The following SPPL3 variants were observed in gnomAD, a reference collection of about 807,000 sequenced individuals.
The protein encoded by SPPL3 is signal peptide peptidase-like 3.
Under a neutral mutation model 42.4 loss-of-function variants are expected in SPPL3, and 5 were observed. The observed-to-expected ratio is 0.12, with a 90% confidence interval of 0.06 to 0.25. SPPL3 has a LOEUF of 0.25. Ranked by LOEUF, SPPL3 falls within the 10% of genes least tolerant of loss-of-function variation. The pLI is 1.00. For synonymous variants in SPPL3, 195 were observed against 181.8 expected (o/e 1.07, Z -0.58); for missense variants, 235 against 489.0 (o/e 0.48, Z 4.90).
intron 1 of SPPL3, among the ~76,000 whole-genome samples, chr12:120,852,715 A>ATG (rs1436548131): frequency 2.6e-4 from 4 of 15,422 alleles, no homozygotes; most frequent in Admixed American, 2.6e-3. Flanking sequence ...TATATGAAAT[A>ATG]TATTTTATAT....
At chr12:120,829,070 T>G (rs1055365727) in intron 1 of SPPL3, among the ~76,000 whole-genome samples, 1 of 152,186 alleles carries the variant, frequency 6.6e-6, no homozygotes, top group Admixed American at 6.5e-5. Context: ...AGACTAGGAA[T>G]AGTCTTTTCA....
chr12:120,886,980 A>AT (rs35067916), intron 1 of SPPL3, among the ~76,000 whole-genome samples: 36,253 of 147,642 alleles, frequency 0.25, 5,369 homozygotes, highest in Non-Finnish European at 0.35. Flanking sequence ...TGATATAATA[A>AT]TTTTTTTTTT....
chr12:120,790,019 G>A (rs1004850590), intron 3 of SPPL3, among the ~76,000 whole-genome samples: 1 of 152,040 alleles, frequency 6.6e-6, no homozygotes, highest in East Asian at 1.9e-4. Context: ...AACATCACTT[G>A]CATATGTGCT....
intron 1 of SPPL3, among the ~76,000 whole-genome samples, chr12:120,872,382 C>A (rs1459472705): frequency 6.6e-6 from 1 of 152,180 alleles, no homozygotes; most frequent in Non-Finnish European, 1.5e-5. Flanking sequence ...AGACTGTGAT[C>A]CCCCTCCAGG....
intron 2 of SPPL3, among the ~76,000 whole-genome samples, chr12:120,792,517 T>C (rs1869952169): frequency 6.6e-6 from 1 of 151,772 alleles, no homozygotes; most frequent in East Asian, 1.9e-4. Context: ...CTGGCCAACA[T>C]GGTGAAACCC....
intron 1 of SPPL3, among the ~76,000 whole-genome samples, chr12:120,838,323 T>C: frequency 6.6e-6 from 1 of 152,188 alleles, no homozygotes. Flanking sequence ...TGTTGGATAC[T>C]TCTCCAGCAT....
chr12:120,768,876 T>C lies in SPPL3; in HGVS notation c.609+77A>G, dbSNP rs532491807. On this transcript the variant is annotated intron_variant, in intron 7 of 10. Transcript: ENST00000353487. ...GGGCAAGCCCGACTTTGGATACTTC[T>C]AGTTAATAGTTTTCAGGCATGAATG... is the stretch of plus-strand genomic sequence containing the variant. 5.0e-5 allele frequency: 64 copies of C among 1,288,888 alleles called. No homozygotes were observed. In the African/African-American group the frequency reaches 5.8e-4, roughly 12 times the overall value. 79.8% of individuals were successfully genotyped at this position (1,288,888 alleles called of 1,614,324 possible).
intron 2 of SPPL3, chr12:120,791,760 A>C (rs905069569): frequency 3.9e-6 from 2 of 506,764 alleles, no homozygotes; most frequent in African/African-American, 3.9e-5. Context: ...CTGACTGCAG[A>C]TGAAAGCATC....
intron 9 of SPPL3, 81 bp downstream of exon 9, chr12:120,767,313 T>C: frequency 7.0e-7 from 1 of 1,435,738 alleles, no homozygotes; most frequent in Non-Finnish European, 9.6e-7. Context: ...CCAGTAACTG[T>C]AGCTAGAAGA....
intron 1 of SPPL3, among the ~76,000 whole-genome samples, chr12:120,868,549 T>C (rs1872829588): frequency 6.6e-6 from 1 of 152,212 alleles, no homozygotes; most frequent in African/African-American, 2.4e-5. Flanking sequence ...TGGCACAATC[T>C]TGACTCACTG....
chr12:120,898,501 G>T (rs1269762698), intron 1 of SPPL3, among the ~76,000 whole-genome samples: 1 of 151,794 alleles, frequency 6.6e-6, no homozygotes, highest in East Asian at 1.9e-4. Flanking sequence ...ACCACACTAA[G>T]GAATCTGGGT....
At chr12:120,824,967 A>G (rs1871193723) in intron 1 of SPPL3, among the ~76,000 whole-genome samples, 1 of 152,174 alleles carries the variant, frequency 6.6e-6, no homozygotes, top group African/African-American at 2.4e-5. Flanking sequence ...TTAACTGCAG[A>G]TGGAATGGAA....
chr12:120,793,501 CCAT>C (rs753497996), intron 2 of SPPL3, among the ~76,000 whole-genome samples: 9 of 152,114 alleles, frequency 5.9e-5, no homozygotes, highest in East Asian at 1.9e-4. Flanking sequence ...AAAACCACCA[CCAT>C]GAGAAACCAC....
At chr12:120,775,534 T>A (rs913579038) in intron 6 of SPPL3, among the ~76,000 whole-genome samples, 35 of 152,310 alleles carry the variant, frequency 2.3e-4, no homozygotes, top group Middle Eastern at 3.4e-3. Context: ...TAGCAATTGC[T>A]ATAAAACGAG....
chr12:120,790,801 G>A (rs1869888878), intron 3 of SPPL3, among the ~76,000 whole-genome samples: 1 of 151,444 alleles, frequency 6.6e-6, no homozygotes, highest in Non-Finnish European at 1.5e-5. Flanking sequence ...GAGGTGAAGA[G>A]GTATTTGCCC....
At chr12:120,812,586 A>C (rs1250620677) in intron 1 of SPPL3, among the ~76,000 whole-genome samples, 1 of 152,222 alleles carries the variant, frequency 6.6e-6, no homozygotes, top group Non-Finnish European at 1.5e-5. Flanking sequence ...ACAGCAGTGA[A>C]AAGAGGACCT....
chr12:120,809,013 G>A (rs1000148568), intron 2 of SPPL3, among the ~76,000 whole-genome samples: 1 of 152,196 alleles, frequency 6.6e-6, no homozygotes, highest in Admixed American at 6.5e-5. Flanking sequence ...GCTTCTGAGA[G>A]TGGTTATGAA....
intron 1 of SPPL3, among the ~76,000 whole-genome samples, chr12:120,823,966 G>T (rs1399238910): frequency 6.6e-6 from 1 of 151,938 alleles, no homozygotes; most frequent in African/African-American, 2.4e-5. Context: ...CGCCTCCCGG[G>T]TTCACACCAT....
Position 120,904,175 on chromosome 12 carries a change from G to A in SPPL3, c.-308C>T. On this transcript the variant is annotated 5_prime_UTR_variant, in exon 1 of 11. Coordinates refer to ENST00000353487, the MANE Select transcript of SPPL3 (RefSeq NM_139015.5). ...CGGCGGCGGCGGCGCGGAGAACAAG[G>A]GGGCCCTGGGGCGGGCGAACGGCAA... 1 of 268,876 alleles carries A rather than the reference G, an allele frequency of 3.7e-6. No homozygotes were observed. The highest frequency in any genetic ancestry group is 2.3e-5 in the African/African-American group (1 of 43,678). The allele number at this position is 268,876 out of a possible 1,614,324, so 16.7% of individuals were successfully genotyped here. A position where few individuals can be genotyped will look rare whatever the true frequency, so the allele number is the denominator to read the frequency against.
Sources: allele counts gnomAD v4.1 joint callset (sites outside exome capture counted in the v4.1 genomes callset), GRCh38; gene constraint gnomAD v4.1.1; transcripts MANE v1.5; gene names NCBI Gene and HGNC (gene_info 2026-07-23, HGNC 2026-07-21).